Variants in DYM observed in about 807,000 individuals in gnomAD.
DYM encodes dyggve-Melchior-Clausen syndrome protein.
In DYM, 78 loss-of-function variants were observed where a neutral mutation model predicts 93.1. The ratio of observed to expected loss-of-function variants is 0.84; its 90% CI spans 0.70 to 1.01. The LOEUF (loss-of-function observed/expected upper bound fraction) is 1.01. Ranked by LOEUF, DYM falls within the 50% of genes least tolerant of loss-of-function variation. DYM has a pLI of 0.00. For missense variants in DYM, 789 were observed against 845.0 expected (o/e 0.93, Z 0.82); for synonymous variants, 321 against 319.7 (o/e 1.00, Z -0.04).
At chr18:49,289,214 C>A (rs2059859635) in intron 8 of DYM, among the ~76,000 whole-genome samples, 1 of 151,856 alleles carries the variant, frequency 6.6e-6, no homozygotes, top group Non-Finnish European at 1.5e-5. Flanking sequence ...TATGTATAAA[C>A]CTTGAGTCAG....
chr18:49,227,415 G>A (rs1432847671), intron 13 of DYM, among the ~76,000 whole-genome samples: 5 of 152,060 alleles, frequency 3.3e-5, no homozygotes, highest in Non-Finnish European at 5.9e-5. Flanking sequence ...GCTACATAAC[G>A]GTAAGAGTTT....
At chr18:49,257,211 A>G in intron 12 of DYM, 107 bp from the exon 13 acceptor site, 1 of 847,478 alleles carries the variant, frequency 1.2e-6, no homozygotes, top group Non-Finnish European at 2.0e-6. Context: ...CACTGATTTT[A>G]GAAAGTTCAG....
intron 14 of DYM, among the ~76,000 whole-genome samples, chr18:49,209,006 T>C (rs1485699501): frequency 1.3e-5 from 2 of 152,200 alleles, no homozygotes; most frequent in Non-Finnish European, 2.9e-5. Context: ...CCATGACACA[T>C]TGCAACCTGC....
intron 1 of DYM, among the ~76,000 whole-genome samples, chr18:49,433,425 A>G (rs1040375000): frequency 2.0e-4 from 31 of 152,238 alleles, no homozygotes; most frequent in African/African-American, 7.5e-4. Flanking sequence ...TAAATATTTA[A>G]CCAAAAATTG....
intron 17 of DYM, among the ~76,000 whole-genome samples, chr18:49,074,110 A>G (rs2077114597): frequency 6.6e-6 from 1 of 152,238 alleles, no homozygotes; most frequent in Non-Finnish European, 1.5e-5. Flanking sequence ...GCTTATAAAT[A>G]AAAAGCAAAA....
chr18:49,364,843 A>G (rs2066372484), intron 5 of DYM, among the ~76,000 whole-genome samples: 2 of 152,328 alleles, frequency 1.3e-5, no homozygotes, highest in Non-Finnish European at 2.9e-5. Context: ...GTTTTTAAAA[A>G]GCCCATCTGT....
intron 13 of DYM, among the ~76,000 whole-genome samples, chr18:49,213,051 C>T (rs1431488443): frequency 6.6e-6 from 1 of 152,062 alleles, no homozygotes; most frequent in Non-Finnish European, 1.5e-5. Context: ...TGCCTTCTTA[C>T]AAGAAAATGT....
intron 2 of DYM, among the ~76,000 whole-genome samples, chr18:49,420,220 T>C (rs964071008): frequency 7.0e-6 from 1 of 143,728 alleles, no homozygotes; most frequent in South Asian, 2.2e-4. Context: ...CAGGCTGGAG[T>C]GCAATGGCGC....
intron 1 of DYM, among the ~76,000 whole-genome samples, chr18:49,436,483 C>A (rs1033482093): frequency 6.6e-6 from 1 of 152,142 alleles, no homozygotes; most frequent in African/African-American, 2.4e-5. Context: ...ATTGCTAGTT[C>A]CTTTTTAGCC....
At chr18:49,254,671 G>A (rs775330427) in intron 13 of DYM, among the ~76,000 whole-genome samples, 1 of 152,028 alleles carries the variant, frequency 6.6e-6, no homozygotes, top group Non-Finnish European at 1.5e-5. Context: ...ACATTTAATC[G>A]TGCTAAATGT....
chr18:49,076,760 T>A (rs183861854), intron 17 of DYM, among the ~76,000 whole-genome samples: 1 of 152,252 alleles, frequency 6.6e-6, no homozygotes, highest in African/African-American at 2.4e-5. Flanking sequence ...AATCTTCTCA[T>A]TGCACATAAA....
intron 16 of DYM, among the ~76,000 whole-genome samples, chr18:49,107,679 G>C (rs556518955): frequency 2.0e-5 from 3 of 152,318 alleles, no homozygotes; most frequent in East Asian, 1.9e-4. Context: ...CACTCCAGAC[G>C]CTGTTTGCCT....
chr18:49,148,096 A>G (rs1366529765), intron 15 of DYM, among the ~76,000 whole-genome samples: 1 of 152,192 alleles, frequency 6.6e-6, no homozygotes, highest in African/African-American at 2.4e-5. Context: ...CGCAAGGACA[A>G]AAAACCAAAC....
intron 13 of DYM, among the ~76,000 whole-genome samples, chr18:49,233,510 A>C (rs575676136): frequency 6.6e-6 from 1 of 152,278 alleles, no homozygotes; most frequent in East Asian, 1.9e-4. Context: ...TTTCTCTTCA[A>C]TCTAACCCTA....
At chr18:49,370,436 TC>T (rs1390479909) in intron 5 of DYM, among the ~76,000 whole-genome samples, 2 of 152,068 alleles carry the variant, frequency 1.3e-5, no homozygotes, top group Admixed American at 6.6e-5. Flanking sequence ...AAAGGCTTCT[TC>T]CCTCATTTAA....
intron 15 of DYM, among the ~76,000 whole-genome samples, chr18:49,162,266 G>A (rs527675671): frequency 4.6e-5 from 7 of 152,228 alleles, no homozygotes; most frequent in Non-Finnish European, 1.0e-4. Flanking sequence ...CAGAATACCT[G>A]AAACTAGGTA....
chr18:49,327,740 T>C (rs1344349062), intron 8 of DYM, among the ~76,000 whole-genome samples: 3 of 152,172 alleles, frequency 2.0e-5, no homozygotes, highest in Non-Finnish European at 1.5e-5. Flanking sequence ...GTATGTAAAG[T>C]AGCTACCACA....
In DYM at chr18:49,272,527, T is replaced by C. The variant is rs8087374; in HGVS notation, c.1126-224A>G. ...CTAACTCTGTGAAGGTCTCTTAAGG[T>C]CTAACCAACATAAAGGTTGGATCTG... On this transcript the variant is annotated intron_variant, in intron 10 of 17. Transcript: ENST00000675505. 0.029 allele frequency among the ~76,000 whole-genome samples: 4,342 copies of C among 152,184 alleles called. 215 individuals carry two copies. The highest frequency in any genetic ancestry group is 0.097 in the African/African-American group (4,014 of 41,508).
At chr18:49,448,723 T>C (rs938055634) in intron 1 of DYM, among the ~76,000 whole-genome samples, 7 of 152,176 alleles carry the variant, frequency 4.6e-5, no homozygotes, top group African/African-American at 1.4e-4. Context: ...GGGCCACCTT[T>C]TTCTCTAAGT....
Sources: gnomAD v4.1 joint callset for allele counts (sites outside exome capture counted in the v4.1 genomes callset) on GRCh38, gnomAD v4.1.1 for gene constraint, MANE v1.5 for transcripts, NCBI Gene and HGNC (gene_info 2026-07-23, HGNC 2026-07-21) for gene names.